The following ECPAS variants were observed in gnomAD, a reference collection of about 807,000 sequenced individuals.
The protein encoded by ECPAS is Ecm29 proteasome adaptor and scaffold.
ECPAS carries 70 observed loss-of-function variants against 255.1 expected under a neutral mutation model. The ratio of observed to expected loss-of-function variants is 0.27; its 90% CI spans 0.23 to 0.33. The LOEUF (loss-of-function observed/expected upper bound fraction) is 0.33, where lower values mean the gene tolerates loss of function less well. ECPAS is among the 10% of genes least tolerant of loss of function. The pLI is 1.00. For synonymous variants in ECPAS, 784 were observed against 775.0 expected (o/e 1.01, Z -0.19); for missense variants, 1,817 against 2,206.4 (o/e 0.82, Z 3.54).
Position 111,393,633 on chromosome 9 carries a change from A to C in ECPAS, c.2977+47T>G, listed in dbSNP as rs747287713. ...CATTAATCCAGGTTTTTGAACATTT[A>C]AAATACAAGTTCAATTAAGTTTAGA... On this transcript the variant is annotated intron_variant, in intron 27 of 49. Coordinates refer to ENST00000684092, the MANE Select transcript of ECPAS (RefSeq NM_001364929.1). 4.8e-6 allele frequency: 6 copies of C among 1,250,320 alleles called. No homozygotes were observed. The South Asian group carries it at 7.7e-5, about 16-fold the overall frequency. The allele number at this position is 1,250,320 out of a possible 1,614,324, so 77.5% of individuals were successfully genotyped here.
chr9:111,363,883 CAAGT>C (rs2098117105), intron 48 of ECPAS, among the ~76,000 whole-genome samples: 1 of 151,966 alleles, frequency 6.6e-6, no homozygotes, highest in African/African-American at 2.4e-5. Flanking sequence ...ACCTGTCAGC[CAAGT>C]ATACCAATCA....
intron 3 of ECPAS, among the ~76,000 whole-genome samples, chr9:111,447,551 G>A (rs936775271): frequency 2.6e-5 from 4 of 152,126 alleles, no homozygotes; most frequent in African/African-American, 9.7e-5. Context: ...AAAATAACTT[G>A]TGGAATTCAG....
Position 111,412,078 on chromosome 9 carries a change from G to A in ECPAS, c.2150C>T (p.Thr717Ile). 1 of 1,594,974 alleles carries A rather than the reference G, an allele frequency of 6.3e-7. No homozygotes were observed. The highest frequency in any genetic ancestry group is 8.5e-7 in the Non-Finnish European group (1 of 1,174,632). Reference protein sequence around the residue: ...AALFYSVVVSTVSGNELKSMI... With the variant: ...AALFYSVVVSIVSGNELKSMI... ...TGATTTCAACTCATTCCCCGACACT[G>A]TTGATACCACTACAGAATAAAACAA... The change falls in exon 21 of 50, where the codon ACA (threonine) becomes ATA (isoleucine). Residue 717 changes from threonine to isoleucine, a missense_variant. This residue lies in a region of ECPAS where 194 missense variants were observed against 152.8 expected (regional missense o/e 1.27). Coordinates refer to ENST00000684092, the MANE Select transcript of ECPAS (RefSeq NM_001364929.1).
In ECPAS at chr9:111,383,065, T is replaced by C. The variant is rs72764713; in HGVS notation, c.3803+146A>G. The C allele has an allele frequency of 2.2e-3, 2,032 of 920,262 alleles. 13 individuals carry two copies. The highest frequency in any genetic ancestry group is 0.012 in the South Asian group (638 of 54,096). The allele number at this position is 920,262 out of a possible 1,614,324, so 57.0% of individuals were successfully genotyped here. A position where few individuals can be genotyped will look rare whatever the true frequency, so the allele number is the denominator to read the frequency against. On this transcript the variant is annotated intron_variant, in intron 35 of 49. Transcript: ENST00000684092. ...TCATGAGAATGTTTCTGTGAAAATA[T>C]TGTGACTCACAAGTTTTCACAAATG...
chr9:111,384,693 C>A, intron 33 of ECPAS, 124 bp from the exon 34 acceptor site: 1 of 814,772 alleles, frequency 1.2e-6, no homozygotes, highest in Non-Finnish European at 2.0e-6. Flanking sequence ...CATTTCATAT[C>A]ATGTTAAAAA....
intron 34 of ECPAS, 27 bp from the exon 35 acceptor site, chr9:111,383,359 G>C: frequency 6.3e-7 from 1 of 1,592,650 alleles, no homozygotes; most frequent in Non-Finnish European, 8.6e-7. Context: ...ATGGACGTTA[G>C]TGAAAGTGAC....
Position 111,421,980 on chromosome 9 carries a change from T to C in ECPAS, c.1396A>G (p.Thr466Ala), listed in dbSNP as rs2098214663. Residue 466 changes from threonine to alanine, a missense_variant, in exon 15 of 50, where the codon ACT (threonine) becomes GCT (alanine). Transcript: ENST00000684092. Reference sequence around the variant, plus strand: ...AGAGTTCGCTGTGCCCCTTCCAAAGTACTATACGCTCCAACCATCATAGAT... The same window carrying C: ...AGAGTTCGCTGTGCCCCTTCCAAAGCACTATACGCTCCAACCATCATAGAT... ...ALSMMVGAYS[T>A]LEGAQRTLME... is the part of the protein sequence containing the mutation. The C allele has an allele frequency of 6.2e-7, 1 of 1,613,724 alleles. No homozygotes were observed. The highest frequency in any genetic ancestry group is 1.7e-5 in the Admixed American group (1 of 59,956).
chr9:111,457,274 G>T (rs1227630429), intron 2 of ECPAS, among the ~76,000 whole-genome samples: 1 of 152,124 alleles, frequency 6.6e-6, no homozygotes, highest in Non-Finnish European at 1.5e-5. Context: ...GAAACTTTTA[G>T]TTATGAAAGG....
At chr9:111,397,699 T>G (rs1465121709) in intron 24 of ECPAS, among the ~76,000 whole-genome samples, 1 of 152,262 alleles carries the variant, frequency 6.6e-6, no homozygotes, top group East Asian at 1.9e-4. Context: ...TTTATTAACA[T>G]TTATTTAACA....
chr9:111,378,271 A>G lies in ECPAS; in HGVS notation c.3954+309T>C, dbSNP rs949853682. 2.0e-5 allele frequency among the ~76,000 whole-genome samples: 3 copies of G among 152,232 alleles called. No individual in the cohort carries two copies. The East Asian group carries it at 5.8e-4, about 29-fold the overall frequency. Reference sequence around the variant, plus strand: ...GTCTAGGTGCAAATACTCTTTGCTTACAGGGCGAGGGAGCCCATGGAAGGA... The same window carrying G: ...GTCTAGGTGCAAATACTCTTTGCTTGCAGGGCGAGGGAGCCCATGGAAGGA... On this transcript the variant is annotated intron_variant, in intron 36 of 49. Coordinates refer to ENST00000684092, the MANE Select transcript of ECPAS (RefSeq NM_001364929.1).
At chr9:111,478,172 AT>A (rs1296635686) in intron 1 of ECPAS, among the ~76,000 whole-genome samples, 1 of 150,894 alleles carries the variant, frequency 6.6e-6, no homozygotes, top group Non-Finnish European at 1.5e-5. Context: ...AAGCGCTGGG[AT>A]TACAAACTTG....
intron 2 of ECPAS, among the ~76,000 whole-genome samples, chr9:111,464,891 A>C (rs1485057626): frequency 2.0e-5 from 3 of 152,226 alleles, no homozygotes; most frequent in Non-Finnish European, 4.4e-5. Flanking sequence ...TTCTTTAAAA[A>C]AATAAAATAA....
chr9:111,402,242 T>A (rs1323322325), intron 24 of ECPAS, among the ~76,000 whole-genome samples: 1 of 152,202 alleles, frequency 6.6e-6, no homozygotes, highest in Non-Finnish European at 1.5e-5. Context: ...CCACTTGGGG[T>A]CCCTGACTTC....
At chr9:111,418,069 A>G in intron 16 of ECPAS, 63 bp from the exon 17 acceptor site, 2 of 1,454,592 alleles carry the variant, frequency 1.4e-6, no homozygotes, top group African/African-American at 1.4e-5. Context: ...GATCATTTGA[A>G]GAATAAGAAC....
chr9:111,416,195 A>T (rs2098203234), intron 18 of ECPAS, 77 bp downstream of exon 18: 1 of 1,030,662 alleles, frequency 9.7e-7, no homozygotes. Flanking sequence ...CAACAAAATG[A>T]CAGACCCCTC....
intron 2 of ECPAS, among the ~76,000 whole-genome samples, chr9:111,461,908 T>G (rs1051387633): frequency 2.0e-5 from 3 of 152,192 alleles, no homozygotes; most frequent in African/African-American, 7.2e-5. Flanking sequence ...AAACTCCCGT[T>G]TCTGAAACCA....
Position 111,417,920 on chromosome 9 carries a change from G to A in ECPAS, c.1646C>T (p.Pro549Leu). 6.3e-7 allele frequency: 1 copy of A among 1,586,854 alleles called. No individual in the cohort carries two copies. Among genetic ancestry groups the A allele is most frequent in the Non-Finnish European group, 8.6e-7 (1 of 1,165,268 alleles). ...NRKESTSEQMPSFPEMVYYIQ... is the reference protein window; with the variant it reads ...NRKESTSEQMLSFPEMVYYIQ... ...GTAATAAACCATTTCTGGGAAGGAA[G>A]GCATCTGCTCAGAAGTACTTTCTTT... The change falls in exon 17 of 50, where the codon CCT (proline) becomes CTT (leucine). Residue 549 changes from proline (P) to leucine (L), a missense_variant. Pro to Leu is a moderately conservative substitution (Grantham distance 98). This residue lies in a region of ECPAS where 573 missense variants were observed against 716.2 expected (regional missense o/e 0.80). Transcript: ENST00000684092.
intron 39 of ECPAS, among the ~76,000 whole-genome samples, 156 bp downstream of exon 39, chr9:111,373,816 G>A (rs569797686): frequency 6.6e-6 from 1 of 152,174 alleles, no homozygotes; most frequent in Non-Finnish European, 1.5e-5. Flanking sequence ...TGCACCTCCT[G>A]CAGACAAAGA....
At chr9:111,410,893 G>T in intron 22 of ECPAS, 87 bp downstream of exon 22, 1 of 1,279,596 alleles carries the variant, frequency 7.8e-7, no homozygotes, top group Non-Finnish European at 1.1e-6. Flanking sequence ...CAAATACAAT[G>T]CCATAAAAAG....
Sources: allele counts gnomAD v4.1 joint callset (sites outside exome capture counted in the v4.1 genomes callset), GRCh38; gene constraint gnomAD v4.1.1; regional missense constraint gnomAD v4.1.1; transcripts MANE v1.5; gene names NCBI Gene and HGNC (gene_info 2026-07-23, HGNC 2026-07-21).